BTBD9: variants seen among roughly 807,000 people sequenced by gnomAD.
BTBD9 encodes the protein BTB domain containing 9, also known as BTB/POZ domain-containing protein 9.
A neutral mutation model predicts 64.3 loss-of-function variants in BTBD9; 49 were observed. That is an observed-to-expected ratio of 0.76 (90% CI 0.61 to 0.97). BTBD9 has a LOEUF of 0.97. BTBD9 is among the 50% of genes least tolerant of loss of function. The pLI is 0.00. For missense variants in BTBD9, 598 were observed against 762.1 expected, an observed-to-expected ratio of 0.78 and a Z score of 2.53; for synonymous variants, 260 against 274.7, an observed-to-expected ratio of 0.95 and a Z score of 0.53.
chr6:38,421,217 G>T (rs569210403), intron 6 of BTBD9, among the ~76,000 whole-genome samples: 2 of 151,952 alleles, frequency 1.3e-5, no homozygotes, highest in Non-Finnish European at 2.9e-5. Context: ...TTAGCCAGGC[G>T]TGGTGATGGG....
intron 9 of BTBD9, among the ~76,000 whole-genome samples, chr6:38,210,421 A>AGCT (rs1762789903): frequency 6.6e-6 from 1 of 152,164 alleles, no homozygotes; most frequent in South Asian, 2.1e-4. Context: ...CTGCAGCAGC[A>AGCT]GCTGTGCTAG....
intron 9 of BTBD9, among the ~76,000 whole-genome samples, chr6:38,223,837 A>G (rs1262664730): frequency 3.3e-5 from 5 of 151,078 alleles, no homozygotes; most frequent in Non-Finnish European, 7.4e-5. Context: ...AACTTTTCCA[A>G]TTTCTCATCT....
At chr6:38,323,674 C>T (rs1328831961) in intron 7 of BTBD9, among the ~76,000 whole-genome samples, 1 of 152,214 alleles carries the variant, frequency 6.6e-6, no homozygotes, top group Non-Finnish European at 1.5e-5. Context: ...AGTAGGTTAA[C>T]TCTCCCTCCT....
chr6:38,573,717 T>C (rs1775891887), intron 6 of BTBD9, among the ~76,000 whole-genome samples: 1 of 152,170 alleles, frequency 6.6e-6, no homozygotes, highest in Non-Finnish European at 1.5e-5. Context: ...TTCGCTCATG[T>C]TCTAAAGTTT....
At chr6:38,234,736 G>A (rs972874104) in intron 9 of BTBD9, among the ~76,000 whole-genome samples, 4 of 152,194 alleles carry the variant, frequency 2.6e-5, no homozygotes, top group African/African-American at 7.2e-5. Flanking sequence ...AAGGATGCTC[G>A]GCTAATCGGC....
chr6:38,284,562 C>A (rs758189395), intron 8 of BTBD9, among the ~76,000 whole-genome samples: 4 of 152,164 alleles, frequency 2.6e-5, no homozygotes, highest in Non-Finnish European at 4.4e-5. Flanking sequence ...CCCCTCCCCC[C>A]AGTTTCCCCT....
chr6:38,294,945 C>T (rs1432756215), intron 7 of BTBD9, among the ~76,000 whole-genome samples: 1 of 150,958 alleles, frequency 6.6e-6, no homozygotes, highest in African/African-American at 2.4e-5. Flanking sequence ...TAGCTTTTAA[C>T]TTTTTTGTTA....
At chr6:38,319,400 C>G (rs79143186) in intron 7 of BTBD9, among the ~76,000 whole-genome samples, 1 of 152,102 alleles carries the variant, frequency 6.6e-6, no homozygotes, top group Non-Finnish European at 1.5e-5. Context: ...CTGGGCCACA[C>G]CCAAAGCCAG....
At chr6:38,254,451 AAAACAAACAAAC>A (rs374722049) in intron 9 of BTBD9, among the ~76,000 whole-genome samples, 4 of 151,938 alleles carry the variant, frequency 2.6e-5, no homozygotes, top group African/African-American at 9.7e-5. Context: ...TGTCTCTACA[AAAACAAACAAAC>A]AAACAAACAA....
In BTBD9 at chr6:38,588,436, G is replaced by A. The variant is rs139429890; in HGVS notation, c.814+4140C>T. On this transcript the variant is annotated intron_variant, in intron 4 of 10. Transcript: ENST00000481247. The stretch of plus-strand genomic sequence containing the variant: ...AAGATCAAGTTTTACTTCACTTCCT[G>A]TAAGTAGCATGACCCCTCCTCCAAC... 262 of 819,604 alleles carry A rather than the reference G, an allele frequency of 3.2e-4. No homozygotes were observed. The Middle Eastern group carries it at 5.1e-3, about 16-fold the overall frequency. The allele number at this position is 819,604 out of a possible 1,614,324, so 50.8% of individuals were successfully genotyped here. A position where few individuals can be genotyped will look rare whatever the true frequency, so the allele number is the denominator to read the frequency against.
chr6:38,492,005 C>T (rs1332714126), intron 6 of BTBD9, among the ~76,000 whole-genome samples: 2 of 152,142 alleles, frequency 1.3e-5, no homozygotes, highest in Non-Finnish European at 2.9e-5. Flanking sequence ...TACCCTCAGG[C>T]TCAAAGTTCT....
At chr6:38,605,051 C>CT (rs70981570) in intron 1 of BTBD9, among the ~76,000 whole-genome samples, 4,192 of 143,098 alleles carry the variant, frequency 0.029, 73 homozygotes, top group Middle Eastern at 0.037. Context: ...TTTGCTAATT[C>CT]TTTTTTTTTT....
At chr6:38,264,848 G>A (rs1764916300) in intron 8 of BTBD9, among the ~76,000 whole-genome samples, 1 of 152,134 alleles carries the variant, frequency 6.6e-6, no homozygotes, top group South Asian at 2.1e-4. Context: ...TTCCAGACAT[G>A]AGAACCCCTG....
At position 38,211,743 on chromosome 6, in the gene BTBD9, T is replaced by TAA. The variant is rs34746816; in HGVS notation, c.1563-19148_1563-19147dup. ...TGGGCAACAGAGCAAGATTCTGCCTTAAAAAAAAAATCACTCTGGCTCAAC... is the reference window on the plus strand; with the variant it reads ...TGGGCAACAGAGCAAGATTCTGCCTTAAAAAAAAAAAATCACTCTGGCTCAAC... On this transcript the variant is annotated intron_variant, in intron 9 of 10. Coordinates refer to ENST00000481247, the MANE Select transcript of BTBD9 (RefSeq NM_001099272.2). Among the ~76,000 whole-genome samples the TAA allele has an allele frequency of 7.2e-4, 109 of 150,846 alleles. 1 individual carries two copies. The highest frequency in any genetic ancestry group is 1.5e-3 in the African/African-American group (61 of 41,202).
chr6:38,246,919 T>A (rs1764228756), intron 9 of BTBD9, among the ~76,000 whole-genome samples: 1 of 152,198 alleles, frequency 6.6e-6, no homozygotes, highest in Non-Finnish European at 1.5e-5. Flanking sequence ...GAACTATGTC[T>A]CATCATCATT....
At chr6:38,199,564 G>A (rs1037334846) in intron 9 of BTBD9, among the ~76,000 whole-genome samples, 4 of 152,214 alleles carry the variant, frequency 2.6e-5, no homozygotes, top group Admixed American at 2.0e-4. Context: ...TTAAAAAGGG[G>A]CTATGGAGAA....
intron 5 of BTBD9, among the ~76,000 whole-genome samples, chr6:38,578,328 C>T (rs891263318): frequency 3.9e-4 from 60 of 152,320 alleles, no homozygotes; most frequent in African/African-American, 1.3e-3. Context: ...CAACTTAAAA[C>T]TTGCCAGCTG....
At chr6:38,362,704 T>C (rs1053068793) in intron 6 of BTBD9, among the ~76,000 whole-genome samples, 1 of 152,168 alleles carries the variant, frequency 6.6e-6, no homozygotes, top group Admixed American at 6.5e-5. Context: ...AACATTACGA[T>C]GTACAGTGGC....
chr6:38,624,199 C>T (rs552496223), intron 1 of BTBD9, among the ~76,000 whole-genome samples: 40 of 152,174 alleles, frequency 2.6e-4, no homozygotes, highest in Non-Finnish European at 4.9e-4. Flanking sequence ...GAGCCAATTG[C>T]GGGGAGGACT....
Sources: gnomAD v4.1 joint callset for allele counts (sites outside exome capture counted in the v4.1 genomes callset) on GRCh38, gnomAD v4.1.1 for gene constraint, MANE v1.5 for transcripts, NCBI Gene and HGNC (gene_info 2026-07-23, HGNC 2026-07-21) for gene names.